The following RARB variants were observed in gnomAD, a reference collection of about 807,000 sequenced individuals.
RARB encodes the protein HBV-activated protein.
In RARB, 17 loss-of-function variants were observed where a neutral mutation model predicts 51.9. The ratio of observed to expected loss-of-function variants is 0.33; its 90% confidence interval spans 0.22 to 0.49. RARB has a LOEUF of 0.49. RARB is among the 20% of genes least tolerant of loss of function. The probability of loss-of-function intolerance (pLI) is 0.99; values close to 1 mark genes in which losing one functional copy is unlikely to be tolerated. For synonymous variants in RARB, 215 were observed against 195.4 expected, an observed-to-expected ratio of 1.10 and a Z score of -0.84; for missense variants, 369 against 550.8, an observed-to-expected ratio of 0.67 and a Z score of 3.30.
intron 5 of RARB, among the ~76,000 whole-genome samples, chr3:25,387,654 C>T (rs1250579248): frequency 6.6e-6 from 1 of 152,100 alleles, no homozygotes; most frequent in African/African-American, 2.4e-5. Context: ...CAGCAGGCCC[C>T]TGTGAGTGTA....
intron 5 of RARB, among the ~76,000 whole-genome samples, chr3:25,238,263 T>G (rs933941097): frequency 6.6e-6 from 1 of 152,180 alleles, no homozygotes; most frequent in South Asian, 2.1e-4. Flanking sequence ...TATTTGTCTT[T>G]CCATGCCTGG....
At chr3:25,530,242 G>T (rs1356569573) in intron 3 of RARB, among the ~76,000 whole-genome samples, 1 of 152,196 alleles carries the variant, frequency 6.6e-6, no homozygotes, top group Non-Finnish European at 1.5e-5. Context: ...TCCGTAGGGG[G>T]AAAAACAATG....
At chr3:24,945,846 A>G (rs770046173) in intron 2 of RARB, among the ~76,000 whole-genome samples, 26 of 152,256 alleles carry the variant, frequency 1.7e-4, no homozygotes, top group Non-Finnish European at 3.1e-4. Flanking sequence ...GGTGAACAAC[A>G]AGGCCAATGC....
intron 2 of RARB, among the ~76,000 whole-genome samples, chr3:24,868,786 T>G (rs1702896020): frequency 6.6e-6 from 1 of 152,198 alleles, no homozygotes; most frequent in African/African-American, 2.4e-5. Context: ...AGACAATAAC[T>G]TTTTGAATCA....
intron 3 of RARB, among the ~76,000 whole-genome samples, chr3:25,126,325 A>C (rs778703179): frequency 3.3e-5 from 5 of 152,164 alleles, no homozygotes; most frequent in Admixed American, 6.6e-5. Context: ...CAATTACTAA[A>C]ATAATGGGAA....
chr3:25,237,950 C>T (rs1186169587), intron 5 of RARB, among the ~76,000 whole-genome samples: 2 of 152,062 alleles, frequency 1.3e-5, no homozygotes, highest in African/African-American at 4.8e-5. Context: ...TTGTTGCATG[C>T]ATAGAAGGTG....
chr3:25,571,972 C>T (rs900965048), intron 4 of RARB, among the ~76,000 whole-genome samples: 1 of 152,194 alleles, frequency 6.6e-6, no homozygotes, highest in Non-Finnish European at 1.5e-5. Flanking sequence ...GATGAATAAC[C>T]AATACCTGAA....
At chr3:24,983,445 C>A (rs1696719606) in intron 2 of RARB, among the ~76,000 whole-genome samples, 1 of 151,978 alleles carries the variant, frequency 6.6e-6, no homozygotes, top group African/African-American at 2.4e-5. Context: ...TATACATGTG[C>A]CATGGTGGTT....
intron 5 of RARB, among the ~76,000 whole-genome samples, chr3:25,204,875 G>A (rs1422574526): frequency 2.0e-5 from 3 of 151,922 alleles, no homozygotes; most frequent in African/African-American, 7.2e-5. Context: ...GGGGGTCAGG[G>A]ACCCACTTGA....
intron 3 of RARB, among the ~76,000 whole-genome samples, chr3:25,552,592 A>G (rs1317443282): frequency 6.6e-6 from 1 of 152,082 alleles, no homozygotes; most frequent in African/African-American, 2.4e-5. Context: ...GGCACCCCAA[A>G]TCTCTTAGTC....
intron 5 of RARB, among the ~76,000 whole-genome samples, chr3:25,331,741 T>G (rs1016365425): frequency 6.6e-6 from 1 of 152,020 alleles, no homozygotes; most frequent in Admixed American, 6.6e-5. Flanking sequence ...CAGGAGCTGG[T>G]TTTTTGGAAA....
At chr3:25,299,042 A>G (rs2125426409) in intron 5 of RARB, among the ~76,000 whole-genome samples, 1 of 152,332 alleles carries the variant, frequency 6.6e-6, no homozygotes, top group African/African-American at 2.4e-5. Context: ...CTTTCTGGCA[A>G]TGGCATTAAG....
chr3:25,398,026 T>C (rs1286474717), intron 5 of RARB, among the ~76,000 whole-genome samples: 1 of 152,184 alleles, frequency 6.6e-6, no homozygotes, highest in Non-Finnish European at 1.5e-5. Context: ...GTAAATCTTT[T>C]TGGGTGAAAT....
intron 4 of RARB, among the ~76,000 whole-genome samples, chr3:25,168,470 C>T (rs142558830): frequency 0.023 from 3,443 of 152,222 alleles, 69 homozygotes; most frequent in African/African-American, 0.053. Context: ...AAGTAATCCA[C>T]CCACCTCAGC....
intron 2 of RARB, among the ~76,000 whole-genome samples, chr3:25,006,553 T>C (rs553278091): frequency 6.6e-6 from 1 of 152,298 alleles, no homozygotes; most frequent in East Asian, 1.9e-4. Context: ...GCACAAGACT[T>C]TGCAAACTTC....
In RARB at chr3:25,558,272, T is replaced by C. The variant is rs574699748; in HGVS notation, c.449-11486T>C. ...CCCCCAAGTCTGGCTTCCATCCTTA[T>C]TGCTCTGCTACAAATGTTCTCTCGA... On this transcript the variant is annotated intron_variant, in intron 3 of 7. Coordinates refer to ENST00000330688, the MANE Select transcript of RARB (RefSeq NM_000965.5). Among the ~76,000 whole-genome samples the C allele has an allele frequency of 1.4e-4, 22 of 152,306 alleles. No homozygotes were observed. In the South Asian group the frequency reaches 2.1e-3, roughly 14 times the overall value.
intron 3 of RARB, among the ~76,000 whole-genome samples, chr3:25,127,684 G>C (rs79079996): frequency 6.6e-6 from 1 of 151,986 alleles, no homozygotes; most frequent in South Asian, 2.1e-4. Flanking sequence ...ACGAAGGAGC[G>C]AAGGAGGGAG....
chr3:25,196,048 T>C (rs1190387622), intron 5 of RARB, among the ~76,000 whole-genome samples: 4 of 151,934 alleles, frequency 2.6e-5, no homozygotes, highest in Non-Finnish European at 5.9e-5. Flanking sequence ...TTATCAAGTA[T>C]CTCATTAATA....
At chr3:25,342,488 G>A (rs1029091058) in intron 5 of RARB, among the ~76,000 whole-genome samples, 1 of 152,096 alleles carries the variant, frequency 6.6e-6, no homozygotes, top group Non-Finnish European at 1.5e-5. Flanking sequence ...TTGGTCAACA[G>A]GATAAAAAGC....
Sources: allele counts gnomAD v4.1 joint callset (sites outside exome capture counted in the v4.1 genomes callset), GRCh38; gene constraint gnomAD v4.1.1; transcripts MANE v1.5; gene names NCBI Gene and HGNC (gene_info 2026-07-23, HGNC 2026-07-21).